RPS6KB1: variants seen among roughly 807,000 people sequenced by gnomAD.
RPS6KB1 encodes the protein ribosomal protein S6 kinase beta-1.
A neutral mutation model predicts 70.2 loss-of-function variants in RPS6KB1; 12 were observed. The ratio of observed to expected loss-of-function variants is 0.17; its 90% CI spans 0.11 to 0.28. The LOEUF (loss-of-function observed/expected upper bound fraction) is 0.28. Ranked by LOEUF, RPS6KB1 falls within the 10% of genes least tolerant of loss-of-function variation. RPS6KB1 has a pLI of 1.00. For missense variants in RPS6KB1, 270 were observed against 646.6 expected (o/e 0.42, Z 6.32); for synonymous variants, 175 against 211.2 (o/e 0.83, Z 1.49).
rs560831563 is a variant in RPS6KB1 at position 59,910,939 on chromosome 17, G to A, written c.191+328G>A. On this transcript the variant is annotated intron_variant, in intron 2 of 14. Transcript: ENST00000225577. ...TGCCTCAAAAAGTCAAATGCTTTCTGTTTTGCTTAAATATACAAACAGAAA... is the reference window on the plus strand; with the variant it reads ...TGCCTCAAAAAGTCAAATGCTTTCTATTTTGCTTAAATATACAAACAGAAA... 4.6e-5 allele frequency among the ~76,000 whole-genome samples: 7 copies of A among 152,256 alleles called. No homozygotes were observed. The East Asian group carries it at 1.3e-3, about 29-fold the overall frequency.
intron 1 of RPS6KB1, among the ~76,000 whole-genome samples, chr17:59,908,240 T>C (rs1200481582): frequency 1.3e-5 from 2 of 151,944 alleles, no homozygotes; most frequent in Admixed American, 1.3e-4. Flanking sequence ...TCACTTAGGC[T>C]GGAGTGCAGT....
At chr17:59,896,235 C>G (rs2041553840) in intron 1 of RPS6KB1, among the ~76,000 whole-genome samples, 1 of 151,664 alleles carries the variant, frequency 6.6e-6, no homozygotes, top group South Asian at 2.1e-4. Context: ...CTCTATTTGC[C>G]CAGGCTGGAG....
intron 4 of RPS6KB1, among the ~76,000 whole-genome samples, chr17:59,918,651 T>C (rs2043100286): frequency 6.6e-6 from 1 of 152,052 alleles, no homozygotes; most frequent in Admixed American, 6.6e-5. Flanking sequence ...ATTACAGGTG[T>C]GAGCCACCAC....
intron 12 of RPS6KB1, among the ~76,000 whole-genome samples, chr17:59,939,462 T>C (rs2044450848): frequency 6.6e-6 from 1 of 152,108 alleles, no homozygotes; most frequent in Non-Finnish European, 1.5e-5. Context: ...GTGTTTCTGG[T>C]AGAGACGGGG....
intron 9 of RPS6KB1, 83 bp from the exon 10 acceptor site, chr17:59,935,110 G>T: frequency 1.3e-6 from 1 of 757,790 alleles, no homozygotes. Flanking sequence ...TTAGGAAATG[G>T]ATAATATTAT....
intron 1 of RPS6KB1, among the ~76,000 whole-genome samples, chr17:59,908,605 T>C (rs980326505): frequency 6.9e-6 from 1 of 145,206 alleles, no homozygotes; most frequent in Non-Finnish European, 1.5e-5. Context: ...AGTTGTCATG[T>C]AAAAAAAATT....
At chr17:59,912,912 T>A in intron 3 of RPS6KB1, 108 bp downstream of exon 3, 1 of 1,240,562 alleles carries the variant, frequency 8.1e-7, no homozygotes, top group Non-Finnish European at 1.2e-6. Flanking sequence ...CAGCAAAGGA[T>A]GTGATCATGA....
At chr17:59,942,275 A>G (rs573975478) in intron 13 of RPS6KB1, among the ~76,000 whole-genome samples, 80 of 152,202 alleles carry the variant, frequency 5.3e-4, no homozygotes, top group Non-Finnish European at 9.1e-4. Flanking sequence ...ATTAATTGTG[A>G]ATATTTGACA....
chr17:59,928,717 A>G (rs1438509124), intron 5 of RPS6KB1, among the ~76,000 whole-genome samples: 2 of 152,242 alleles, frequency 1.3e-5, no homozygotes, highest in East Asian at 3.8e-4. Context: ...GATCAGAAAT[A>G]GGAAATTAAC....
At chr17:59,904,379 C>T (rs533506117) in intron 1 of RPS6KB1, among the ~76,000 whole-genome samples, 4 of 150,488 alleles carry the variant, frequency 2.7e-5, no homozygotes, top group East Asian at 2.0e-4. Flanking sequence ...GCGCACAGCC[C>T]GGAGTAATTC....
At chr17:59,899,683 C>G (rs1232028385) in intron 1 of RPS6KB1, among the ~76,000 whole-genome samples, 1 of 152,138 alleles carries the variant, frequency 6.6e-6, no homozygotes, top group Non-Finnish European at 1.5e-5. Context: ...ATAAAAGAAA[C>G]TGTATCCAGT....
chr17:59,899,506 GAATT>G (rs1341071894), intron 1 of RPS6KB1, among the ~76,000 whole-genome samples: 2 of 152,054 alleles, frequency 1.3e-5, no homozygotes, highest in Non-Finnish European at 2.9e-5. Flanking sequence ...CTTTAATTTA[GAATT>G]AAGTAAAACT....
At chr17:59,898,070 T>C (rs2041674673) in intron 1 of RPS6KB1, among the ~76,000 whole-genome samples, 1 of 152,178 alleles carries the variant, frequency 6.6e-6, no homozygotes, top group African/African-American at 2.4e-5. Flanking sequence ...TTGTTTGTTT[T>C]TTTGTTTCAC....
chr17:59,902,510 C>G (rs572399621), intron 1 of RPS6KB1, among the ~76,000 whole-genome samples: 6 of 151,476 alleles, frequency 4.0e-5, no homozygotes, highest in Admixed American at 1.3e-4. Context: ...ATCCATTTAC[C>G]GGTTGATGTT....
At chr17:59,912,875 C>A in intron 3 of RPS6KB1, 71 bp downstream of exon 3, 2 of 1,479,544 alleles carry the variant, frequency 1.4e-6, no homozygotes, top group Non-Finnish European at 1.9e-6. Flanking sequence ...CTGGTTCCAG[C>A]AGTCATCTTC....
chr17:59,919,436 C>T (rs533843676), intron 4 of RPS6KB1, among the ~76,000 whole-genome samples: 7 of 152,208 alleles, frequency 4.6e-5, no homozygotes, highest in Non-Finnish European at 8.8e-5. Context: ...GCTTGGACAA[C>T]AAGAGCGAGA....
intron 1 of RPS6KB1, among the ~76,000 whole-genome samples, chr17:59,903,558 T>A (rs1477628799): frequency 6.6e-6 from 1 of 152,144 alleles, no homozygotes; most frequent in Non-Finnish European, 1.5e-5. Context: ...TTCTTTTGAG[T>A]AGATACATTG....
In RPS6KB1 at chr17:59,946,892, A is replaced by G. The variant is rs144814059; in HGVS notation, c.*104A>G. 1.1e-3 allele frequency: 1,695 copies of G among 1,565,868 alleles called. 19 individuals are homozygous for G. In the African/African-American group the frequency reaches 0.019, roughly 18 times the overall value. ...TCAAAATGACAGTTTCAGAGAGTCA[A>G]TGTCATTACATAGAACACTTCAGAC... On this transcript the variant is annotated 3_prime_UTR_variant, in exon 15 of 15. Transcript: ENST00000225577. The surrounding 1 kb of genome is among the most constrained non-coding windows in gnomAD (Gnocchi z 4.2).
intron 1 of RPS6KB1, among the ~76,000 whole-genome samples, chr17:59,908,288 A>G (rs2042386436): frequency 6.7e-6 from 1 of 149,056 alleles, no homozygotes; most frequent in Admixed American, 6.7e-5. Context: ...TGCCTCCCGT[A>G]TCCAAGAGAT....
Sources: gnomAD v4.1 joint callset for allele counts (sites outside exome capture counted in the v4.1 genomes callset) on GRCh38, gnomAD v4.1.1 for gene constraint, Gnocchi (gnomAD v3.1) non-coding constraint, MANE v1.5 for transcripts, NCBI Gene and HGNC (gene_info 2026-07-23, HGNC 2026-07-21) for gene names.